Variants in SGCZ observed in about 807,000 individuals in gnomAD.
SGCZ encodes sarcoglycan zeta.
Under a neutral mutation model 41.3 loss-of-function variants are expected in SGCZ, and 40 were observed. The observed-to-expected ratio is 0.97, with a 90% CI of 0.75 to 1.26. The LOEUF is 1.26. Ranked by LOEUF, SGCZ falls within the 50% of genes most tolerant of loss-of-function variation. The probability of loss-of-function intolerance (pLI) is 0.00; values close to 1 mark genes in which losing one functional copy is unlikely to be tolerated. For missense variants in SGCZ, 552 were observed against 369.8 expected (o/e 1.49, Z -4.04); for synonymous variants, 206 against 137.5 (o/e 1.50, Z -3.49).
intron 2 of SGCZ, among the ~76,000 whole-genome samples, chr8:14,544,461 T>A (rs1000903335): frequency 6.6e-6 from 1 of 152,130 alleles, no homozygotes; most frequent in Non-Finnish European, 1.5e-5. Context: ...TTTTCCTTCT[T>A]GCAGAGAGCC....
intron 3 of SGCZ, among the ~76,000 whole-genome samples, chr8:14,254,625 G>A (rs1372786804): frequency 6.6e-6 from 1 of 152,094 alleles, no homozygotes; most frequent in East Asian, 1.9e-4. Context: ...TTTGATATCT[G>A]ATTTACATTA....
chr8:14,609,727 G>T (rs921979845), intron 1 of SGCZ, among the ~76,000 whole-genome samples: 22 of 152,078 alleles, frequency 1.4e-4, no homozygotes, highest in Admixed American at 2.6e-4. Flanking sequence ...AGCTAAATTT[G>T]GTACCTGAGC....
At chr8:15,206,093 C>T (rs892423919) in intron 1 of SGCZ, among the ~76,000 whole-genome samples, 1 of 152,074 alleles carries the variant, frequency 6.6e-6, no homozygotes, top group Non-Finnish European at 1.5e-5. Flanking sequence ...GGCTGGATAC[C>T]TGGGTGCTGA....
intron 4 of SGCZ, among the ~76,000 whole-genome samples, chr8:14,232,723 T>C (rs1200251781): frequency 1.3e-5 from 2 of 152,058 alleles, no homozygotes; most frequent in Non-Finnish European, 2.9e-5. Context: ...TTTAGCAGAA[T>C]ATCAAAGACA....
chr8:14,190,036 G>T (rs1424423627), intron 4 of SGCZ, among the ~76,000 whole-genome samples: 2 of 47,390 alleles, frequency 4.2e-5, no homozygotes, highest in Non-Finnish European at 3.6e-5. Flanking sequence ...TTTTTGAGAC[G>T]GACTCTTGCT....
intron 1 of SGCZ, among the ~76,000 whole-genome samples, chr8:14,808,692 A>G (rs1801634726): frequency 6.6e-6 from 1 of 152,082 alleles, no homozygotes; most frequent in Non-Finnish European, 1.5e-5. Flanking sequence ...GGGATCTAGA[A>G]CTAGAAATAC....
At chr8:15,011,949 T>C (rs1802839541) in intron 1 of SGCZ, among the ~76,000 whole-genome samples, 1 of 152,192 alleles carries the variant, frequency 6.6e-6, no homozygotes, top group Non-Finnish European at 1.5e-5. Flanking sequence ...AATTTTGGCA[T>C]AATTTACCAA....
Position 14,377,503 on chromosome 8 carries a change from T to C in SGCZ, c.235-53299A>G, listed in dbSNP as rs145434751. ...CCTGAGAACCCTTGATTTTTTTTTATTATTTTTATTTTTTTTGTTTTTATT... is the reference window on the plus strand; with the variant it reads ...CCTGAGAACCCTTGATTTTTTTTTACTATTTTTATTTTTTTTGTTTTTATT... On this transcript the variant is annotated intron_variant, in intron 2 of 7. Coordinates refer to ENST00000382080, the MANE Select transcript of SGCZ (RefSeq NM_139167.4). Among the ~76,000 whole-genome samples the C allele has an allele frequency of 5.2e-3, 788 of 151,906 alleles. 23 individuals are homozygous for C. The highest frequency in any genetic ancestry group is 0.043 in the Admixed American group (657 of 15,278).
intron 1 of SGCZ, among the ~76,000 whole-genome samples, chr8:14,978,685 T>C (rs1193290145): frequency 6.6e-6 from 1 of 152,108 alleles, no homozygotes; most frequent in Non-Finnish European, 1.5e-5. Context: ...CATTCTATGC[T>C]ATGAAATACC....
At chr8:14,963,342 T>C (rs1314859079) in intron 1 of SGCZ, among the ~76,000 whole-genome samples, 1 of 151,580 alleles carries the variant, frequency 6.6e-6, no homozygotes, top group East Asian at 1.9e-4. Flanking sequence ...TTTCTTCTTT[T>C]TTTTTTTTTG....
intron 4 of SGCZ, among the ~76,000 whole-genome samples, chr8:14,229,862 A>C (rs1459478114): frequency 6.6e-6 from 1 of 152,046 alleles, no homozygotes; most frequent in Non-Finnish European, 1.5e-5. Flanking sequence ...TTCTCCATTC[A>C]TTTAGGAACA....
At chr8:14,399,358 G>C (rs553574489) in intron 2 of SGCZ, among the ~76,000 whole-genome samples, 3 of 152,030 alleles carry the variant, frequency 2.0e-5, no homozygotes, top group African/African-American at 7.2e-5. Flanking sequence ...TGACAGGCCT[G>C]GGCATCCACT....
chr8:15,042,843 A>G (rs1228310439), intron 1 of SGCZ, among the ~76,000 whole-genome samples: 2 of 152,182 alleles, frequency 1.3e-5, no homozygotes, highest in Non-Finnish European at 1.5e-5. Flanking sequence ...CAGGCTTCCC[A>G]CTTGCAGAAA....
At chr8:15,078,982 C>T (rs976789175) in intron 1 of SGCZ, among the ~76,000 whole-genome samples, 6 of 151,980 alleles carry the variant, frequency 3.9e-5, no homozygotes, top group Non-Finnish European at 1.5e-5. Context: ...CTAATATATA[C>T]ACTGCCTGAT....
chr8:14,553,664 G>C (rs1425012635), intron 2 of SGCZ, among the ~76,000 whole-genome samples: 1 of 151,910 alleles, frequency 6.6e-6, no homozygotes, highest in Non-Finnish European at 1.5e-5. Flanking sequence ...CAACATGGAC[G>C]GCAGCTAGGG....
chr8:14,551,072 T>C (rs1277157057), intron 2 of SGCZ, among the ~76,000 whole-genome samples: 4 of 151,522 alleles, frequency 2.6e-5, no homozygotes, highest in Non-Finnish European at 5.9e-5. Context: ...ATTAATGAAT[T>C]TGCTCTCCCC....
At chr8:14,856,042 C>T (rs557412735) in intron 1 of SGCZ, among the ~76,000 whole-genome samples, 4 of 152,212 alleles carry the variant, frequency 2.6e-5, no homozygotes, top group East Asian at 1.9e-4. Flanking sequence ...TTTTAATTGA[C>T]GTTTATAACC....
At chr8:14,710,737 C>CA (rs1160485625) in intron 1 of SGCZ, among the ~76,000 whole-genome samples, 3 of 151,534 alleles carry the variant, frequency 2.0e-5, no homozygotes, top group Non-Finnish European at 4.4e-5. Flanking sequence ...TTTATAGAAC[C>CA]AAAAAAATAC....
intron 1 of SGCZ, among the ~76,000 whole-genome samples, chr8:15,083,948 T>C (rs1012109069): frequency 6.6e-6 from 1 of 152,002 alleles, no homozygotes; most frequent in Non-Finnish European, 1.5e-5. Context: ...ACTTTTAAGA[T>C]TGCTGCGTTC....
Sources: gnomAD v4.1 joint callset for allele counts (sites outside exome capture counted in the v4.1 genomes callset) on GRCh38, gnomAD v4.1.1 for gene constraint, MANE v1.5 for transcripts, NCBI Gene and HGNC (gene_info 2026-07-23, HGNC 2026-07-21) for gene names.